The following UNC79 variants were observed in gnomAD, a reference collection of about 807,000 sequenced individuals.
The protein encoded by UNC79 is protein unc-79 homolog.
A neutral mutation model predicts 283.1 loss-of-function variants in UNC79; 37 were observed. The ratio of observed to expected loss-of-function variants is 0.13; its 90% CI spans 0.10 to 0.17. The LOEUF is 0.17. Ranked by LOEUF, UNC79 falls within the 10% of genes least tolerant of loss-of-function variation. The probability of loss-of-function intolerance (pLI) is 1.00; values close to 1 mark genes in which losing one functional copy is unlikely to be tolerated. For synonymous variants in UNC79, 1,107 were observed against 1,200.2 expected, an observed-to-expected ratio of 0.92 and a Z score of 1.61; for missense variants, 2,272 against 3,211.1, an observed-to-expected ratio of 0.71 and a Z score of 7.07.
chr14:93,641,383 C>A, intron 33 of UNC79, 136 bp downstream of exon 36: 2 of 785,378 alleles, frequency 2.5e-6, no homozygotes, highest in Non-Finnish European at 4.1e-6. Flanking sequence ...GCCTGGCACA[C>A]AGATGCTTGT....
chr14:93,675,852 G>T (rs1231746059), intron 41 of UNC79, among the ~76,000 whole-genome samples: 2 of 152,166 alleles, frequency 1.3e-5, no homozygotes, highest in Admixed American at 6.5e-5. Flanking sequence ...TCATCAGAAT[G>T]AAGTGGCTCT....
chr14:93,691,990 G>C, intron 46 of UNC79, 44 bp downstream of exon 49: 1 of 1,592,766 alleles, frequency 6.3e-7, no homozygotes, highest in Non-Finnish European at 8.6e-7. Context: ...GAATCTCAAA[G>C]TGTCCACACC....
intron 1 of UNC79, among the ~76,000 whole-genome samples, chr14:93,370,905 A>G (rs1214538182): frequency 6.6e-6 from 1 of 152,232 alleles, no homozygotes; most frequent in Non-Finnish European, 1.5e-5. Context: ...TGTAACATAC[A>G]AGTAATGGGA....
intron 17 of UNC79, among the ~76,000 whole-genome samples, chr14:93,577,185 G>T (rs2063523338): frequency 6.6e-6 from 1 of 151,996 alleles, no homozygotes; most frequent in African/African-American, 2.4e-5. Flanking sequence ...GGGCAACAGA[G>T]CAAGACTGTC....
intron 46 of UNC79, among the ~76,000 whole-genome samples, chr14:93,693,524 TG>T (rs770424123): frequency 6.6e-6 from 1 of 152,240 alleles, no homozygotes; most frequent in Non-Finnish European, 1.5e-5. Context: ...TAAGCCAGTC[TG>T]GTAAAATCTC....
intron 1 of UNC79, among the ~76,000 whole-genome samples, chr14:93,385,079 C>T (rs889128731): frequency 5.3e-5 from 8 of 152,192 alleles, no homozygotes; most frequent in Non-Finnish European, 1.0e-4. Context: ...ACTTTGGTTA[C>T]TATAGCTCTG....
chr14:93,502,949 T>C (rs1298879087), intron 7 of UNC79, among the ~76,000 whole-genome samples: 1 of 152,228 alleles, frequency 6.6e-6, no homozygotes, highest in Non-Finnish European at 1.5e-5. Flanking sequence ...TTCTTAGTTA[T>C]CTGTTTTATT....
intron 42 of UNC79, among the ~76,000 whole-genome samples, chr14:93,686,239 A>G (rs1017152730): frequency 6.6e-6 from 1 of 152,204 alleles, no homozygotes; most frequent in African/African-American, 2.4e-5. Context: ...CTCTGATGCT[A>G]ATGGCATGAC....
At chr14:93,382,607 C>A (rs1566904070) in intron 1 of UNC79, among the ~76,000 whole-genome samples, 1 of 152,058 alleles carries the variant, frequency 6.6e-6, no homozygotes, top group Non-Finnish European at 1.5e-5. Flanking sequence ...TTAATGAGTA[C>A]CTTCTTGGTG....
intron 47 of UNC79, among the ~76,000 whole-genome samples, chr14:93,700,263 T>C (rs2075432075): frequency 1.3e-5 from 2 of 152,152 alleles, no homozygotes; most frequent in South Asian, 4.1e-4. Context: ...TTTCTTCATA[T>C]TTCTGGTGCT....
chr14:93,337,238 C>T (rs2053597972), intron 1 of UNC79, among the ~76,000 whole-genome samples: 1 of 152,248 alleles, frequency 6.6e-6, no homozygotes, highest in South Asian at 2.1e-4. Flanking sequence ...CCCAGCCTAA[C>T]TCACAGACTC....
chr14:93,342,916 C>T (rs1034714824), intron 1 of UNC79, among the ~76,000 whole-genome samples: 2 of 152,238 alleles, frequency 1.3e-5, no homozygotes, highest in Non-Finnish European at 2.9e-5. Flanking sequence ...AGTTCCTCAT[C>T]TCCATCTGAG....
chr14:93,588,748 A>T (rs1207872227), intron 22 of UNC79, among the ~76,000 whole-genome samples: 5 of 149,246 alleles, frequency 3.4e-5, no homozygotes, highest in Non-Finnish European at 7.4e-5. Context: ...CTCAAAAAAA[A>T]AAAAAAAAAA....
At chr14:93,374,261 A>C (rs1006628636) in intron 1 of UNC79, among the ~76,000 whole-genome samples, 1 of 152,148 alleles carries the variant, frequency 6.6e-6, no homozygotes, top group African/African-American at 2.4e-5. Context: ...CAGGCACTGG[A>C]CTTCAATCCA....
At chr14:93,383,175 A>T (rs1474069543) in intron 1 of UNC79, among the ~76,000 whole-genome samples, 2 of 152,182 alleles carry the variant, frequency 1.3e-5, no homozygotes, top group East Asian at 3.8e-4. Flanking sequence ...TCATGGTCAT[A>T]TAATTTTGTG....
At chr14:93,570,519 C>T (rs916010889) in intron 14 of UNC79, among the ~76,000 whole-genome samples, 1 of 152,210 alleles carries the variant, frequency 6.6e-6, no homozygotes, top group Admixed American at 6.5e-5. Flanking sequence ...TCCTATCAGA[C>T]TGGACTATCA....
chr14:93,504,687 T>C (rs1434342377), intron 7 of UNC79, among the ~76,000 whole-genome samples: 1 of 152,034 alleles, frequency 6.6e-6, no homozygotes, highest in African/African-American at 2.4e-5. Context: ...TAATTTTTAG[T>C]ATATTGGTCT....
chr14:93,355,833 A>C (rs184355396), intron 1 of UNC79, among the ~76,000 whole-genome samples: 1 of 152,214 alleles, frequency 6.6e-6, no homozygotes, highest in Admixed American at 6.5e-5. Flanking sequence ...ATAGGTAGCT[A>C]CTGTCTCTAG....
chr14:93,353,940 C>A (rs2054029112), intron 1 of UNC79, among the ~76,000 whole-genome samples: 1 of 152,064 alleles, frequency 6.6e-6, no homozygotes, highest in East Asian at 1.9e-4. Context: ...AACATGTAAC[C>A]TTAAATACAT....
Sources: allele counts gnomAD v4.1 joint callset (sites outside exome capture counted in the v4.1 genomes callset), GRCh38; gene constraint gnomAD v4.1.1; transcripts MANE v1.5; gene names NCBI Gene and HGNC (gene_info 2026-07-23, HGNC 2026-07-21).